PATJ: variants seen among roughly 807,000 people sequenced by gnomAD.
PATJ encodes the protein PATJ crumbs cell polarity complex component.
In PATJ, 190 loss-of-function variants were observed where a neutral mutation model predicts 224.9. The observed-to-expected ratio is 0.84, with a 90% CI of 0.75 to 0.95. The LOEUF (loss-of-function observed/expected upper bound fraction) is 0.95, where lower values mean the gene tolerates loss of function less well. Among genes scored for constraint, PATJ ranks in the 40% least tolerant of loss-of-function variants. The probability of loss-of-function intolerance (pLI) is 0.00; values close to 1 mark genes in which losing one functional copy is unlikely to be tolerated. For synonymous variants in PATJ, 769 were observed against 820.3 expected (o/e 0.94, Z 1.07); for missense variants, 2,121 against 2,270.3 (o/e 0.93, Z 1.34).
chr1:62,003,034 G>A (rs1245188693), intron 28 of PATJ, among the ~76,000 whole-genome samples: 1 of 152,176 alleles, frequency 6.6e-6, no homozygotes, highest in Non-Finnish European at 1.5e-5. Context: ...GTCTGCTTAG[G>A]TGGCTAATAA....
intron 20 of PATJ, among the ~76,000 whole-genome samples, chr1:61,869,097 A>AT (rs113334846): frequency 0.021 from 2,574 of 125,524 alleles, 57 homozygotes; most frequent in African/African-American, 0.058. Context: ...TGGAAATAAC[A>AT]TTTTTTTTTT....
chr1:62,163,323 A>G lies in PATJ; in HGVS notation c.*2269A>G, dbSNP rs1669968641. 1 of 152,676 alleles carries G rather than the reference A, an allele frequency of 6.5e-6. No individual in the cohort carries two copies. The highest frequency in any genetic ancestry group is 6.6e-5 in the Admixed American group (1 of 15,254). The allele number at this position is 152,676 out of a possible 1,614,324, so 9.5% of individuals were successfully genotyped here. A position where few individuals can be genotyped will look rare whatever the true frequency, so the allele number is the denominator to read the frequency against. On this transcript the variant is annotated 3_prime_UTR_variant, in exon 44 of 44. Coordinates refer to ENST00000642238, the MANE Select transcript of PATJ (RefSeq NM_001350145.3). ...CTCATTCTTCAGTGCATGAAAAGCT[A>G]CTACCCTCAGAACATTTTGTGTTAA... is the stretch of plus-strand genomic sequence containing the variant.
chr1:61,869,205 C>A (rs1283493380), intron 20 of PATJ, among the ~76,000 whole-genome samples: 1 of 143,934 alleles, frequency 6.9e-6, no homozygotes, highest in Non-Finnish European at 1.5e-5. Context: ...CTCCCGGGTT[C>A]ACGCCATTCT....
chr1:61,746,591 C>T (rs1472206995), intron 1 of PATJ, among the ~76,000 whole-genome samples: 1 of 152,112 alleles, frequency 6.6e-6, no homozygotes, highest in Non-Finnish European at 1.5e-5. Context: ...GGATGAAAAC[C>T]AATATGCAAT....
At position 61,758,299 on chromosome 1, in the gene PATJ, G is replaced by A. The variant is rs189631522; in HGVS notation, c.-35-4559G>A. ...ATACTGAAAATAGTTACATATGACTGATATGAAGTCACTTCTACATGTATT... is the reference window on the plus strand; with the variant it reads ...ATACTGAAAATAGTTACATATGACTAATATGAAGTCACTTCTACATGTATT... On this transcript the variant is annotated intron_variant, in intron 1 of 43. Coordinates refer to ENST00000642238, the MANE Select transcript of PATJ (RefSeq NM_001350145.3). 3.9e-5 allele frequency among the ~76,000 whole-genome samples: 6 copies of A among 152,276 alleles called. No homozygotes were observed. The East Asian group carries it at 1.2e-3, about 29-fold the overall frequency.
intron 27 of PATJ, among the ~76,000 whole-genome samples, chr1:61,928,091 G>A (rs1261018411): frequency 6.6e-6 from 1 of 152,060 alleles, no homozygotes; most frequent in Non-Finnish European, 1.5e-5. Context: ...TTGTTTGGTT[G>A]TGAATACAAA....
At chr1:61,850,523 C>T (rs889147254) in intron 17 of PATJ, among the ~76,000 whole-genome samples, 2 of 152,196 alleles carry the variant, frequency 1.3e-5, no homozygotes, top group African/African-American at 2.4e-5. Flanking sequence ...GAAACATGAA[C>T]CTCTGGTGGC....
At chr1:61,862,568 G>A (rs923628518) in intron 19 of PATJ, among the ~76,000 whole-genome samples, 13 of 152,080 alleles carry the variant, frequency 8.5e-5, no homozygotes, top group African/African-American at 2.7e-4. Flanking sequence ...ACGACGTAAA[G>A]CATTTTCAAA....
At chr1:62,132,398 T>C (rs1666353887) in intron 41 of PATJ, among the ~76,000 whole-genome samples, 1 of 152,154 alleles carries the variant, frequency 6.6e-6, no homozygotes, top group African/African-American at 2.4e-5. Flanking sequence ...CTCAGGAGGC[T>C]GAGGCGGGAG....
chr1:62,019,487 C>G (rs1470770997), intron 29 of PATJ, among the ~76,000 whole-genome samples: 1 of 151,682 alleles, frequency 6.6e-6, no homozygotes, highest in Non-Finnish European at 1.5e-5. Flanking sequence ...CCACTGCACT[C>G]CCACCTGGTT....
intron 13 of PATJ, 101 bp from the exon 14 acceptor site, chr1:61,808,369 CAAAT>C (rs1277256889): frequency 1.4e-6 from 1 of 700,042 alleles, no homozygotes; most frequent in Non-Finnish European, 2.5e-6. Flanking sequence ...GAATGTAGGT[CAAAT>C]AGAGTTATCA....
intron 14 of PATJ, among the ~76,000 whole-genome samples, chr1:61,809,048 G>A (rs1416757282): frequency 6.6e-6 from 1 of 152,236 alleles, no homozygotes; most frequent in Non-Finnish European, 1.5e-5. Context: ...GGAAAGAAAA[G>A]TGGTTTATCT....
At chr1:61,746,991 A>G (rs868013505) in intron 1 of PATJ, among the ~76,000 whole-genome samples, 2 of 152,222 alleles carry the variant, frequency 1.3e-5, no homozygotes, top group Non-Finnish European at 1.5e-5. Context: ...ACAGCATTTA[A>G]TAATTATCCT....
intron 27 of PATJ, among the ~76,000 whole-genome samples, chr1:61,933,858 A>T (rs1278398992): frequency 6.6e-6 from 1 of 152,000 alleles, no homozygotes; most frequent in African/African-American, 2.4e-5. Context: ...TCTGTTTGTT[A>T]TTTCTCTTCC....
chr1:61,861,810 AG>A (rs1664660801), intron 19 of PATJ, 143 bp downstream of exon 19: 5 of 498,632 alleles, frequency 1.0e-5, no homozygotes, highest in Non-Finnish European at 1.8e-5. Context: ...AGAAGACAAA[AG>A]CTTGTCCCCA....
chr1:61,810,973 T>C (rs1654646413), intron 14 of PATJ, among the ~76,000 whole-genome samples: 1 of 152,124 alleles, frequency 6.6e-6, no homozygotes, highest in African/African-American at 2.4e-5. Flanking sequence ...TACTGCATTA[T>C]AGTGTACTGA....
chr1:62,101,099 T>G (rs1395990779), intron 33 of PATJ, among the ~76,000 whole-genome samples: 1 of 152,126 alleles, frequency 6.6e-6, no homozygotes. Context: ...TACTGCTTGT[T>G]TCTAGATAGA....
At chr1:62,122,956 C>A (rs1665260409) in intron 38 of PATJ, 65 bp from the exon 39 acceptor site, 1 of 993,136 alleles carries the variant, frequency 1.0e-6, no homozygotes, top group South Asian at 1.7e-5. Flanking sequence ...TTTCATGGGG[C>A]AATATTATAT....
intron 16 of PATJ, among the ~76,000 whole-genome samples, chr1:61,829,022 G>T (rs1379581850): frequency 1.3e-5 from 2 of 152,166 alleles, no homozygotes; most frequent in African/African-American, 2.4e-5. Flanking sequence ...TGCCTTGTAC[G>T]TGGGAAGTGC....
Sources: gnomAD v4.1 joint callset for allele counts (sites outside exome capture counted in the v4.1 genomes callset) on GRCh38, gnomAD v4.1.1 for gene constraint, MANE v1.5 for transcripts, NCBI Gene and HGNC (gene_info 2026-07-23, HGNC 2026-07-21) for gene names.